The following RABGAP1L variants were observed in gnomAD, a reference collection of about 807,000 sequenced individuals.
RABGAP1L encodes the protein rab GTPase-activating protein 1-like.
Under a neutral mutation model 137.7 loss-of-function variants are expected in RABGAP1L, and 63 were observed. That is an observed-to-expected ratio of 0.46 (90% CI 0.37 to 0.56). The LOEUF is 0.56. RABGAP1L is among the 20% of genes least tolerant of loss of function. RABGAP1L has a pLI of 0.00. For synonymous variants in RABGAP1L, 431 were observed against 433.7 expected, an observed-to-expected ratio of 0.99 and a Z score of 0.08; for missense variants, 1,095 against 1,244.0, an observed-to-expected ratio of 0.88 and a Z score of 1.80.
At chr1:174,742,940 C>CT (rs912241350) in intron 17 of RABGAP1L, among the ~76,000 whole-genome samples, 1 of 152,148 alleles carries the variant, frequency 6.6e-6, no homozygotes, top group East Asian at 1.9e-4. Context: ...TGGGAGTCCT[C>CT]TGAGTGTAGG....
rs562913067 is a variant in RABGAP1L at position 174,661,433 on chromosome 1, G to T, written c.1825-22089G>T. ...AGGAAAAAAGAACATGAGGAATATTGGGTACTGAAAAATTTTAATAAAAAT... is the reference window on the plus strand; with the variant it reads ...AGGAAAAAAGAACATGAGGAATATTTGGTACTGAAAAATTTTAATAAAAAT... On this transcript the variant is annotated intron_variant, in intron 14 of 25. Transcript: ENST00000681986. 3.3e-5 allele frequency among the ~76,000 whole-genome samples: 5 copies of T among 152,030 alleles called. No individual in the cohort carries two copies. In the East Asian group the frequency reaches 9.7e-4, roughly 29 times the overall value.
chr1:174,475,796 A>G (rs1456837118), intron 13 of RABGAP1L, among the ~76,000 whole-genome samples: 1 of 151,176 alleles, frequency 6.6e-6, no homozygotes, highest in Non-Finnish European at 1.5e-5. Flanking sequence ...AAAAAAAAAA[A>G]AAGGTCAGAT....
chr1:174,622,783 A>C (rs1378767437), intron 13 of RABGAP1L, among the ~76,000 whole-genome samples: 1 of 152,238 alleles, frequency 6.6e-6, no homozygotes, highest in East Asian at 1.9e-4. Flanking sequence ...GCAGCACACC[A>C]GCATGGCACA....
chr1:174,675,767 C>G (rs1309640361), intron 14 of RABGAP1L, among the ~76,000 whole-genome samples: 1 of 152,114 alleles, frequency 6.6e-6, no homozygotes, highest in African/African-American at 2.4e-5. Flanking sequence ...TGAATTATAA[C>G]CCAAACATAG....
intron 20 of RABGAP1L, among the ~76,000 whole-genome samples, chr1:174,960,392 A>G (rs918013646): frequency 3.3e-5 from 5 of 152,156 alleles, no homozygotes; most frequent in Non-Finnish European, 5.9e-5. Flanking sequence ...GTCTATTTTT[A>G]TGACATATGC....
chr1:174,369,438 C>T (rs763681283), intron 11 of RABGAP1L, among the ~76,000 whole-genome samples: 1 of 152,194 alleles, frequency 6.6e-6, no homozygotes, highest in Non-Finnish European at 1.5e-5. Context: ...CCCTCCTTGG[C>T]CTCCCAAAGT....
chr1:174,873,941 T>G (rs1168110615), intron 19 of RABGAP1L, among the ~76,000 whole-genome samples: 1 of 152,220 alleles, frequency 6.6e-6, no homozygotes, highest in Non-Finnish European at 1.5e-5. Context: ...CTTTTCTTGA[T>G]TTTTGTTTCG....
At chr1:174,220,470 C>G (rs951428465) in intron 2 of RABGAP1L, among the ~76,000 whole-genome samples, 1 of 152,108 alleles carries the variant, frequency 6.6e-6, no homozygotes, top group African/African-American at 2.4e-5. Context: ...GAGCTCAAGA[C>G]CAGCCTGGCC....
At chr1:174,885,428 G>A (rs973131678) in intron 19 of RABGAP1L, among the ~76,000 whole-genome samples, 17 of 152,128 alleles carry the variant, frequency 1.1e-4, no homozygotes, top group African/African-American at 4.1e-4. Context: ...AAGGTCTGTC[G>A]CTCACTGCTG....
rs556762250 is a variant in RABGAP1L at position 174,420,698 on chromosome 1, G to A, written c.1710+26553G>A. ...TTTTGTTTTTTTTTTTTTTTGAGACGGAGTCTTGCTCTGTCACCCAGGCTG... is the reference window on the plus strand; with the variant it reads ...TTTTGTTTTTTTTTTTTTTTGAGACAGAGTCTTGCTCTGTCACCCAGGCTG... On this transcript the variant is annotated intron_variant, in intron 13 of 25. Transcript: ENST00000681986. Among the ~76,000 whole-genome samples, 568 of 138,970 alleles carry A rather than the reference G, an allele frequency of 4.1e-3. 9 individuals are homozygous for A. Among genetic ancestry groups the A allele is most frequent in the African/African-American group, 0.013 (456 of 35,034 alleles). The allele number at this position is 138,970 out of a possible 152,430, so 91.2% of individuals were successfully genotyped here.
At chr1:174,349,911 GA>G (rs1291727959) in intron 11 of RABGAP1L, among the ~76,000 whole-genome samples, 4 of 118,162 alleles carry the variant, frequency 3.4e-5, no homozygotes, top group Admixed American at 8.6e-5. Context: ...GTGGGGGGCT[GA>G]CCCCCCCCCA....
chr1:174,224,375 CA>C (rs1427805198), intron 3 of RABGAP1L, among the ~76,000 whole-genome samples: 1 of 152,054 alleles, frequency 6.6e-6, no homozygotes, highest in Non-Finnish European at 1.5e-5. Flanking sequence ...AGAATCTGGG[CA>C]GGAGAATGGC....
At chr1:174,525,563 AC>A (rs1207125572) in intron 13 of RABGAP1L, among the ~76,000 whole-genome samples, 1 of 152,088 alleles carries the variant, frequency 6.6e-6, no homozygotes, top group African/African-American at 2.4e-5. Context: ...GTTTTTCTAA[AC>A]ATAAGATCAT....
chr1:174,652,244 C>G (rs980547396), intron 14 of RABGAP1L, among the ~76,000 whole-genome samples: 2 of 152,182 alleles, frequency 1.3e-5, no homozygotes, highest in Non-Finnish European at 2.9e-5. Context: ...GGTATCCCTA[C>G]CTTTCTCTCT....
intron 4 of RABGAP1L, among the ~76,000 whole-genome samples, chr1:174,234,500 C>T (rs1219225015): frequency 6.8e-6 from 1 of 146,116 alleles, no homozygotes; most frequent in Non-Finnish European, 1.5e-5. Context: ...TCCAGTTTTC[C>T]CAGCACCATT....
intron 13 of RABGAP1L, among the ~76,000 whole-genome samples, chr1:174,463,377 T>C (rs573044456): frequency 1.5e-4 from 23 of 151,834 alleles, no homozygotes; most frequent in Non-Finnish European, 2.8e-4. Flanking sequence ...ATGGATGAAA[T>C]TGGAAATCAT....
chr1:174,661,731 A>G (rs1676384180), intron 14 of RABGAP1L, among the ~76,000 whole-genome samples: 1 of 152,162 alleles, frequency 6.6e-6, no homozygotes, highest in Admixed American at 6.5e-5. Context: ...CTGTAACGAC[A>G]TTTCAGTCAA....
intron 18 of RABGAP1L, among the ~76,000 whole-genome samples, chr1:174,794,014 TGAAA>T (rs1353467289): frequency 1.3e-5 from 2 of 152,194 alleles, no homozygotes; most frequent in African/African-American, 4.8e-5. Flanking sequence ...AAGACTTGAA[TGAAA>T]GAAAGAGTGT....
intron 12 of RABGAP1L, among the ~76,000 whole-genome samples, chr1:174,384,323 A>G (rs1051977013): frequency 6.6e-6 from 1 of 152,282 alleles, no homozygotes; most frequent in Non-Finnish European, 1.5e-5. Flanking sequence ...TGAGGGAACT[A>G]TCCTGTATCT....
Sources: gnomAD v4.1 joint callset for allele counts (sites outside exome capture counted in the v4.1 genomes callset) on GRCh38, gnomAD v4.1.1 for gene constraint, MANE v1.5 for transcripts, NCBI Gene and HGNC (gene_info 2026-07-23, HGNC 2026-07-21) for gene names.